Variants in CCNT1 observed in about 807,000 individuals in gnomAD.
CCNT1 encodes cyclin-T1.
In CCNT1, 18 loss-of-function variants were observed where a neutral mutation model predicts 67.3. That is an observed-to-expected ratio of 0.27 (90% confidence interval 0.18 to 0.40). The LOEUF is 0.40. Ranked by LOEUF, CCNT1 falls within the 10% of genes least tolerant of loss-of-function variation. The pLI, the probability that CCNT1 is intolerant of heterozygous loss-of-function variation, is 1.00. For missense variants in CCNT1, 744 were observed against 884.9 expected, an observed-to-expected ratio of 0.84 and a Z score of 2.02; for synonymous variants, 333 against 310.3, an observed-to-expected ratio of 1.07 and a Z score of -0.77.
At chr12:48,700,719 G>C (rs950516808) in intron 4 of CCNT1, among the ~76,000 whole-genome samples, 2 of 152,110 alleles carry the variant, frequency 1.3e-5, no homozygotes, top group African/African-American at 4.8e-5. Flanking sequence ...ACATTCTTTA[G>C]ATAGTTTTTA....
chr12:48,707,916 G>A (rs1023178481), intron 2 of CCNT1, among the ~76,000 whole-genome samples: 1 of 151,910 alleles, frequency 6.6e-6, no homozygotes, highest in Non-Finnish European at 1.5e-5. Context: ...AAATTAGCCG[G>A]GCGTGGTGGC....
chr12:48,694,642 G>A (rs774454164), intron 8 of CCNT1, among the ~76,000 whole-genome samples: 10 of 152,220 alleles, frequency 6.6e-5, no homozygotes, highest in South Asian at 4.1e-4. Context: ...CTATCCAAAC[G>A]TTACAAAGCA....
chr12:48,694,292 T>C lies in CCNT1; in HGVS notation c.922A>G (p.Ser308Gly), dbSNP rs763463430. The change falls in exon 9 of 9, where the codon AGT (serine) becomes GGT (glycine). Residue 308 changes from serine (S) to glycine (G), a missense_variant. Transcript: ENST00000261900. Reference protein sequence around the residue: ...GLMSMSTSTTSAVPSLPVSEE... With the variant: ...GLMSMSTSTTGAVPSLPVSEE... The stretch of plus-strand genomic sequence containing the variant: ...GAGACTGGCAGGGAAGGCACTGCAC[T>C]TGTGGTAGAAGTTGACATGCTCATT... 2.4e-5 allele frequency: 38 copies of C among 1,614,096 alleles called. No individual in the cohort carries two copies. The highest frequency in any genetic ancestry group is 4.0e-5 in the African/African-American group (3 of 74,938).
At chr12:48,703,989 T>C (rs1940314830) in intron 3 of CCNT1, among the ~76,000 whole-genome samples, 1 of 152,192 alleles carries the variant, frequency 6.6e-6, no homozygotes, top group Non-Finnish European at 1.5e-5. Context: ...AGAAATTATC[T>C]AGACTTCTTC....
intron 2 of CCNT1, among the ~76,000 whole-genome samples, chr12:48,713,549 G>T (rs1004770094): frequency 6.6e-6 from 1 of 152,174 alleles, no homozygotes; most frequent in Non-Finnish European, 1.5e-5. Context: ...TTTAGAAGGC[G>T]GAGGCGGAAG....
intron 8 of CCNT1, 99 bp from the exon 9 acceptor site, chr12:48,694,535 G>T: frequency 4.7e-6 from 5 of 1,055,314 alleles, no homozygotes; most frequent in Non-Finnish European, 6.9e-6. Context: ...TGGAAGTTCT[G>T]GATAGGCCAC....
intron 1 of CCNT1, among the ~76,000 whole-genome samples, chr12:48,715,750 A>T (rs1592128769): frequency 6.6e-6 from 1 of 152,240 alleles, no homozygotes; most frequent in African/African-American, 2.4e-5. Flanking sequence ...GGCGTGAGCC[A>T]CCGCATCCAG....
chr12:48,701,677 G>A (rs1230936006), intron 3 of CCNT1, among the ~76,000 whole-genome samples: 1 of 151,124 alleles, frequency 6.6e-6, no homozygotes, highest in Non-Finnish European at 1.5e-5. Context: ...GCACAATCTC[G>A]GCTCACCACA....
rs1940112418 is a variant in CCNT1 at position 48,693,418 on chromosome 12, G to A, written c.1796C>T (p.Ser599Phe). 2 of 1,614,244 alleles carry A rather than the reference G, an allele frequency of 1.2e-6. No individual in the cohort carries two copies. The highest frequency in any genetic ancestry group is 1.7e-6 in the Non-Finnish European group (2 of 1,180,048). Reference sequence around the variant, plus strand: ...AAGTGAAGGGAAGGAGAAATTTAGGGAAGAGGATTTAGTACTCTTGGCAAT... The same window carrying A: ...AAGTGAAGGGAAGGAGAAATTTAGGAAAGAGGATTTAGTACTCTTGGCAAT... Reference protein sequence around the residue: ...AKIAKSTKSSSLNFSFPSLPT... With the variant: ...AKIAKSTKSSFLNFSFPSLPT... Residue 599 changes from serine to phenylalanine, a missense_variant, in exon 9 of 9, where the codon TCC becomes TTC. By Grantham distance (155) the Ser-to-Phe change is radical. Coordinates refer to ENST00000261900, the MANE Select transcript of CCNT1 (RefSeq NM_001240.4).
intron 4 of CCNT1, among the ~76,000 whole-genome samples, chr12:48,700,390 CAT>C (rs555107725): frequency 6.7e-5 from 10 of 149,876 alleles, no homozygotes; most frequent in Admixed American, 1.3e-4. Flanking sequence ...AAGAACTCAT[CAT>C]ATATATATAT....
intron 8 of CCNT1, among the ~76,000 whole-genome samples, 159 bp downstream of exon 8, chr12:48,695,600 T>C (rs950123946): frequency 1.3e-5 from 2 of 152,204 alleles, no homozygotes; most frequent in African/African-American, 4.8e-5. Flanking sequence ...ACACTGACTT[T>C]TACAACAGTA....
At chr12:48,700,033 C>A (rs1592120628) in intron 4 of CCNT1, among the ~76,000 whole-genome samples, 193 bp from the exon 5 acceptor site, 1 of 151,998 alleles carries the variant, frequency 6.6e-6, no homozygotes, top group African/African-American at 2.4e-5. Context: ...AAAAAGTTAA[C>A]TAGAGGCTGG....
At chr12:48,696,527 T>C (rs568611087) in intron 6 of CCNT1, among the ~76,000 whole-genome samples, 2 of 152,254 alleles carry the variant, frequency 1.3e-5, no homozygotes, top group South Asian at 2.1e-4. Flanking sequence ...TTATTACCTA[T>C]TATCCTGAGA....
chr12:48,706,825 CT>C (rs1940367955), intron 2 of CCNT1, among the ~76,000 whole-genome samples: 1 of 152,174 alleles, frequency 6.6e-6, no homozygotes, highest in South Asian at 2.1e-4. Flanking sequence ...CTATGCTATA[CT>C]TTTCTAGAGT....
In CCNT1 at chr12:48,699,820, G is replaced by T; in HGVS notation, c.454C>A (p.His152Asn). Residue 152 changes from histidine to asparagine, a missense_variant, in exon 5 of 9, where the codon CAC (histidine) becomes AAC (asparagine). His to Asn is a moderately conservative substitution (Grantham distance 68). Transcript: ENST00000261900. ...QTLGFELTID[H>N]PHTHVVKCTQ... ...CACTTTACTACATGAGTATGTGGGT[G>T]ATCAATTGTTAGTTCAAAGCCTTAA... 1 of 1,606,334 alleles carries T rather than the reference G, an allele frequency of 6.2e-7. No homozygotes were observed. Among genetic ancestry groups the T allele is most frequent in the Non-Finnish European group, 8.5e-7 (1 of 1,175,246 alleles).
Position 48,693,654 on chromosome 12 carries a change from A to G in CCNT1, c.1560T>C (p.His520=), listed in dbSNP as rs1270191136. The change falls in exon 9 of 9, where the codon CAT becomes CAC. Residue 520 remains histidine, a synonymous_variant. Coordinates refer to ENST00000261900, the MANE Select transcript of CCNT1 (RefSeq NM_001240.4). The part of the protein sequence containing the change: ...HKTHPSNHHH[H]HNHHSHKHSH... ...AGTGCTTGTGTGAGTGGTGATTATG[A>G]TGATGATGATGATTAGATGGGTGAG... is the stretch of plus-strand genomic sequence containing the variant. 1 of 1,613,498 alleles carries G rather than the reference A, an allele frequency of 6.2e-7. No homozygotes were observed. Among genetic ancestry groups the G allele is most frequent in the African/African-American group, 1.3e-5 (1 of 74,526 alleles).
chr12:48,709,624 T>A (rs1348280770), intron 2 of CCNT1, among the ~76,000 whole-genome samples: 1 of 151,910 alleles, frequency 6.6e-6, no homozygotes, highest in Admixed American at 6.6e-5. Flanking sequence ...CAAAAAATAA[T>A]AAAGGGAAGT....
chr12:48,693,865 G>C lies in CCNT1; in HGVS notation c.1349C>G (p.Pro450Arg), dbSNP rs1265399177. 1.2e-6 allele frequency: 2 copies of C among 1,613,922 alleles called. No individual in the cohort carries two copies. The highest frequency in any genetic ancestry group is 2.7e-5 in the African/African-American group (2 of 74,908). The change falls in exon 9 of 9, where the codon CCT becomes CGT. Residue 450 changes from proline to arginine, a missense_variant. Physicochemically the swap from Pro to Arg is moderately radical, Grantham distance 103. This residue lies in a region of CCNT1 where 564 missense variants were observed against 574.2 expected (regional missense o/e 0.98). Coordinates refer to ENST00000261900, the MANE Select transcript of CCNT1 (RefSeq NM_001240.4). ...TGTTTTGTCAGCCTTTTCCAGAAAA[G>C]GCCGCTCGGGGTTTTCTGAACCCTC... Reference protein sequence around the residue: ...PIEGSENPERPFLEKADKTAL... With the variant: ...PIEGSENPERRFLEKADKTAL...
At position 48,691,473 on chromosome 12, in the gene CCNT1, A is replaced by C. The variant is rs1940072313; in HGVS notation, c.*1560T>G. 6.6e-6 allele frequency: 1 copy of C among 152,242 alleles called. No individual in the cohort carries two copies. The highest frequency in any genetic ancestry group is 2.1e-4 in the South Asian group (1 of 4,834). 9.4% of individuals were successfully genotyped at this position (152,242 alleles called of 1,614,324 possible). The stretch of plus-strand genomic sequence containing the variant: ...ATGAAGATCAAAGAATATCTCATTA[A>C]ATGATCTCTGGCTAGGTAGTTTTCA... On this transcript the variant is annotated 3_prime_UTR_variant, in exon 9 of 9. Coordinates refer to ENST00000261900, the MANE Select transcript of CCNT1 (RefSeq NM_001240.4).
Sources: allele counts gnomAD v4.1 joint callset (sites outside exome capture counted in the v4.1 genomes callset), GRCh38; gene constraint gnomAD v4.1.1; regional missense constraint gnomAD v4.1.1; transcripts MANE v1.5; gene names NCBI Gene and HGNC (gene_info 2026-07-23, HGNC 2026-07-21).